FGF14: variants seen among roughly 807,000 people sequenced by gnomAD.
FGF14 encodes fibroblast growth factor homologous factor 4.
In FGF14, 5 loss-of-function variants were observed where a neutral mutation model predicts 25.5. That is an observed-to-expected ratio of 0.20 (90% confidence interval 0.10 to 0.41). The LOEUF is 0.41. Ranked by LOEUF, FGF14 falls within the 10% of genes least tolerant of loss-of-function variation. The probability of loss-of-function intolerance (pLI) is 1.00; values close to 1 mark genes in which losing one functional copy is unlikely to be tolerated. For missense variants in FGF14, 222 were observed against 320.1 expected (o/e 0.69, Z 2.34); for synonymous variants, 138 against 118.3 (o/e 1.17, Z -1.08).
Position 101,821,091 on chromosome 13 carries a change from G to C in FGF14, c.408+47634C>G, listed in dbSNP as rs550856816. Among the ~76,000 whole-genome samples the C allele has an allele frequency of 2.9e-4, 44 of 149,284 alleles. 1 individual carries two copies. Among genetic ancestry groups the C allele is most frequent in the Non-Finnish European group, 2.7e-4 (18 of 67,074 alleles). ...AGCCTCCCAAGTAGCTGGGAGTACA[G>C]GCGCCCGCTACCACGCCGGGCTAAT... On this transcript the variant is annotated intron_variant, in intron 3 of 4. Coordinates refer to ENST00000376143, the MANE Select transcript of FGF14 (RefSeq NM_004115.4).
rs1298898142 is a variant in FGF14, at chr13:101,716,487, A to G, written c.*6344T>C. ...TATATCTACTGATAATTAAAAATGA[A>G]TTGTTATTCAGGGATATCTATTTTA... On this transcript the variant is annotated 3_prime_UTR_variant, in exon 5 of 5. Transcript: ENST00000376143. 1 of 152,162 alleles carries G rather than the reference A, an allele frequency of 6.6e-6. No homozygotes were observed. Among genetic ancestry groups the G allele is most frequent in the African/African-American group, 2.4e-5 (1 of 41,434 alleles). 9.4% of individuals were successfully genotyped at this position (152,162 alleles called of 1,614,324 possible). A position where few individuals can be genotyped will look rare whatever the true frequency, so the allele number is the denominator to read the frequency against.
chr13:102,309,114 C>G (rs112140462), intron 1 of FGF14, among the ~76,000 whole-genome samples: 6 of 131,606 alleles, frequency 4.6e-5, no homozygotes, highest in African/African-American at 1.8e-4. Flanking sequence ...TGCACCCACA[C>G]AAATGCATAC....
At chr13:102,166,284 AG>A (rs1380916909) in intron 1 of FGF14, among the ~76,000 whole-genome samples, 13 of 151,918 alleles carry the variant, frequency 8.6e-5, no homozygotes, top group African/African-American at 2.7e-4. Flanking sequence ...TTTTATATTT[AG>A]TTTTATTACT....
At position 101,926,441 on chromosome 13, in the gene FGF14, C is replaced by G. The variant is rs565780255; in HGVS notation, c.209-51145G>C. 1.9e-4 allele frequency among the ~76,000 whole-genome samples: 29 copies of G among 152,200 alleles called. 1 individual carries two copies. In the South Asian group the frequency reaches 6.0e-3, roughly 32 times the overall value. On this transcript the variant is annotated intron_variant, in intron 1 of 4. Transcript: ENST00000376131. ...TGTTACCTGTTATCATTTGCTGGACCGCTCCAGTACCACCTGCTTACCTGA... is the reference window on the plus strand; with the variant it reads ...TGTTACCTGTTATCATTTGCTGGACGGCTCCAGTACCACCTGCTTACCTGA...
chr13:101,756,595 C>T (rs941594749), intron 3 of FGF14, among the ~76,000 whole-genome samples: 6 of 152,004 alleles, frequency 3.9e-5, no homozygotes, highest in East Asian at 3.9e-4. Flanking sequence ...TAGCCGGGTG[C>T]GGTGGCACAT....
At chr13:101,805,292 C>A (rs2140154724) in intron 3 of FGF14, among the ~76,000 whole-genome samples, 1 of 151,996 alleles carries the variant, frequency 6.6e-6, no homozygotes, top group East Asian at 1.9e-4. Flanking sequence ...GTGTGGAGGT[C>A]TACAAAGATA....
chr13:101,980,550 C>T (rs183125703), intron 1 of FGF14, among the ~76,000 whole-genome samples: 133 of 152,214 alleles, frequency 8.7e-4, no homozygotes, highest in African/African-American at 3.0e-3. Flanking sequence ...TCAGGATTTA[C>T]ATTTGTTTAA....
rs141987559 is a variant in FGF14 at position 102,158,672 on chromosome 13, A to AT, written c.208+242798_208+242799insA. Among the ~76,000 whole-genome samples, 855 of 150,080 alleles carry AT rather than the reference A, an allele frequency of 5.7e-3. 3 individuals are homozygous for AT. Among genetic ancestry groups the AT allele is most frequent in the Non-Finnish European group, 9.7e-3 (650 of 67,350 alleles). ...GTACCCTAAAACTTAAAGTATAATA[A>AT]AAAAAAAAATCTTTGAACTGATCCA... On this transcript the variant is annotated intron_variant, in intron 1 of 4. Transcript: ENST00000376131.
intron 1 of FGF14, among the ~76,000 whole-genome samples, 173 bp downstream of exon 1, chr13:101,916,280 G>A (rs968106366): frequency 4.6e-5 from 7 of 152,244 alleles, no homozygotes; most frequent in Admixed American, 3.9e-4. Context: ...GCGGCTACAG[G>A]TTGCCCGACA....
intron 1 of FGF14, among the ~76,000 whole-genome samples, chr13:102,201,699 T>C (rs2049660113): frequency 6.6e-6 from 1 of 152,190 alleles, no homozygotes; most frequent in African/African-American, 2.4e-5. Context: ...AGGGAAATGT[T>C]TGGAAAGAAT....
chr13:101,922,689 C>T (rs1276350532), intron 1 of FGF14, among the ~76,000 whole-genome samples: 2 of 151,684 alleles, frequency 1.3e-5, no homozygotes, highest in African/African-American at 4.8e-5. Context: ...AAGAAACAGC[C>T]TTATTGAAAT....
chr13:102,393,150 G>T (rs948247160), intron 1 of FGF14, among the ~76,000 whole-genome samples: 1 of 152,126 alleles, frequency 6.6e-6, no homozygotes, highest in African/African-American at 2.4e-5. Flanking sequence ...GACTCAGTCT[G>T]AGTTTTATTC....
At chr13:101,795,004 T>C (rs1432559875) in intron 3 of FGF14, among the ~76,000 whole-genome samples, 1 of 152,192 alleles carries the variant, frequency 6.6e-6, no homozygotes, top group Non-Finnish European at 1.5e-5. Flanking sequence ...AGCAAAACCT[T>C]TATTGTCACA....
chr13:102,094,649 G>T (rs2044309853), intron 1 of FGF14, among the ~76,000 whole-genome samples: 1 of 152,124 alleles, frequency 6.6e-6, no homozygotes, highest in Admixed American at 6.5e-5. Flanking sequence ...TTATACAGCT[G>T]CTAACTCCCA....
Position 102,301,629 on chromosome 13 carries a change from C to T in FGF14, c.208+99842G>A, listed in dbSNP as rs368159809. Among the ~76,000 whole-genome samples, 45 of 152,202 alleles carry T rather than the reference C, an allele frequency of 3.0e-4. No homozygotes were observed. In the South Asian group the frequency reaches 6.4e-3, roughly 22 times the overall value. On this transcript the variant is annotated intron_variant, in intron 1 of 4. Coordinates refer to the FGF14 transcript ENST00000376131. ...TTACCCATTCCCTCTTGAACTTGGACTTACCAGTCAGGACTCACTCCACCT... is the reference window on the plus strand; with the variant it reads ...TTACCCATTCCCTCTTGAACTTGGATTTACCAGTCAGGACTCACTCCACCT...
At chr13:102,238,756 T>C (rs973421191) in intron 1 of FGF14, among the ~76,000 whole-genome samples, 4 of 152,206 alleles carry the variant, frequency 2.6e-5, no homozygotes, top group Non-Finnish European at 5.9e-5. Flanking sequence ...TAGTTAGAGA[T>C]TTATTAATGC....
intron 2 of FGF14, among the ~76,000 whole-genome samples, chr13:101,869,071 C>T (rs531176972): frequency 5.9e-5 from 9 of 152,264 alleles, no homozygotes; most frequent in South Asian, 2.1e-4. Flanking sequence ...AGGGCTGATG[C>T]GACAATAAAC....
chr13:101,913,841 T>G (rs2033202148), intron 1 of FGF14, among the ~76,000 whole-genome samples: 1 of 152,064 alleles, frequency 6.6e-6, no homozygotes, highest in Non-Finnish European at 1.5e-5. Context: ...ATCCCAGCTC[T>G]CTTCATGCTT....
chr13:101,923,389 G>A (rs1039761856), intron 1 of FGF14, among the ~76,000 whole-genome samples: 1 of 151,950 alleles, frequency 6.6e-6, no homozygotes, highest in Non-Finnish European at 1.5e-5. Flanking sequence ...CTCCTTTCTC[G>A]ATAAATGGGT....
Sources: gnomAD v4.1 joint callset for allele counts (sites outside exome capture counted in the v4.1 genomes callset) on GRCh38, gnomAD v4.1.1 for gene constraint, MANE v1.5 for transcripts, NCBI Gene and HGNC (gene_info 2026-07-23, HGNC 2026-07-21) for gene names.